Variants in ITM2B observed in about 807,000 individuals in gnomAD.
ITM2B encodes the protein integral membrane protein 2B.
In ITM2B, 11 loss-of-function variants were observed where a neutral mutation model predicts 27.8. The observed-to-expected ratio is 0.40, with a 90% CI of 0.25 to 0.66. The LOEUF (loss-of-function observed/expected upper bound fraction) is 0.66, where lower values mean the gene tolerates loss of function less well. Ranked by LOEUF, ITM2B falls within the 30% of genes least tolerant of loss-of-function variation. The pLI is 0.43. For synonymous variants in ITM2B, 114 were observed against 114.3 expected, an observed-to-expected ratio of 1.00 and a Z score of 0.02; for missense variants, 296 against 328.9, an observed-to-expected ratio of 0.90 and a Z score of 0.77.
intron 1 of ITM2B, among the ~76,000 whole-genome samples, chr13:48,240,396 G>A (rs770749078): frequency 2.6e-5 from 4 of 151,988 alleles, no homozygotes; most frequent in Non-Finnish European, 5.9e-5. Flanking sequence ...TAATAGAGAC[G>A]GGGTTTCACC....
intron 1 of ITM2B, among the ~76,000 whole-genome samples, chr13:48,240,459 T>G (rs1951693576): frequency 6.6e-6 from 1 of 152,148 alleles, no homozygotes; most frequent in Admixed American, 6.5e-5. Context: ...CTACTATTAT[T>G]AAAGTCCCAG....
intron 1 of ITM2B, among the ~76,000 whole-genome samples, chr13:48,236,710 A>T (rs1951671077): frequency 6.6e-6 from 1 of 152,172 alleles, no homozygotes; most frequent in Non-Finnish European, 1.5e-5. Flanking sequence ...GCACATTGTC[A>T]CTTCTGTTTA....
rs1368450029 is a variant in ITM2B, at chr13:48,264,677, T to C, written c.*3453T>C. On this transcript the variant is annotated 3_prime_UTR_variant, in exon 6 of 6. Coordinates refer to ENST00000647800, the MANE Select transcript of ITM2B (RefSeq NM_021999.5). ...GGTTCCTAGATAAGGACTTCATGTGTATCTATTTAGAAAAAGAACATTTCT... is the reference window on the plus strand; with the variant it reads ...GGTTCCTAGATAAGGACTTCATGTGCATCTATTTAGAAAAAGAACATTTCT... The C allele has an allele frequency of 2.0e-5, 3 of 152,176 alleles. No individual in the cohort carries two copies. Among genetic ancestry groups the C allele is most frequent in the African/African-American group, 7.2e-5 (3 of 41,446 alleles). 9.4% of individuals were successfully genotyped at this position (152,176 alleles called of 1,614,324 possible).
chr13:48,253,670 A>G, intron 1 of ITM2B, 138 bp from the exon 2 acceptor site: 1 of 870,412 alleles, frequency 1.1e-6, no homozygotes, highest in Non-Finnish European at 1.9e-6. Context: ...TCCTGGGTTG[A>G]TTTTGATGAG....
chr13:48,255,240 T>C (rs907241013), intron 2 of ITM2B, among the ~76,000 whole-genome samples: 1 of 150,528 alleles, frequency 6.6e-6, no homozygotes, highest in Non-Finnish European at 1.5e-5. Context: ...AGTGTGTGTG[T>C]GTGTGTGTGT....
intron 1 of ITM2B, among the ~76,000 whole-genome samples, chr13:48,251,533 C>A (rs925159138): frequency 2.0e-5 from 3 of 152,158 alleles, no homozygotes; most frequent in African/African-American, 7.2e-5. Context: ...AATTTATTCT[C>A]AAAATGATTG....
In ITM2B at chr13:48,263,629, T is replaced by G. The variant is rs1170506727; in HGVS notation, c.*2405T>G. On this transcript the variant is annotated 3_prime_UTR_variant, in exon 6 of 6. Coordinates refer to ENST00000647800, the MANE Select transcript of ITM2B (RefSeq NM_021999.5). ...ACAAAATACCATAGACTGAGTGGCT[T>G]TAAACAACAGAAGCTTGTTTCTCAC... 2.0e-5 allele frequency: 3 copies of G among 152,176 alleles called. No individual in the cohort carries two copies. The highest frequency in any genetic ancestry group is 7.2e-5 in the African/African-American group (3 of 41,434). The allele number at this position is 152,176 out of a possible 1,614,324, so 9.4% of individuals were successfully genotyped here. A position where few individuals can be genotyped will look rare whatever the true frequency, so the allele number is the denominator to read the frequency against.
Position 48,264,674 on chromosome 13 carries a change from G to A in ITM2B, c.*3450G>A, listed in dbSNP as rs1442708460. The A allele has an allele frequency of 1.3e-5, 2 of 152,116 alleles. No homozygotes were observed. Among genetic ancestry groups the A allele is most frequent in the African/African-American group, 4.8e-5 (2 of 41,432 alleles). The allele number at this position is 152,116 out of a possible 1,614,324, so 9.4% of individuals were successfully genotyped here. ...TTAGGTTCCTAGATAAGGACTTCAT[G>A]TGTATCTATTTAGAAAAAGAACATT... On this transcript the variant is annotated 3_prime_UTR_variant, in exon 6 of 6. Coordinates refer to ENST00000647800, the MANE Select transcript of ITM2B (RefSeq NM_021999.5).
chr13:48,253,308 C>G (rs141169569), intron 1 of ITM2B, among the ~76,000 whole-genome samples: 38 of 151,876 alleles, frequency 2.5e-4, no homozygotes, highest in Non-Finnish European at 1.5e-5. Context: ...GTAATTTTTT[C>G]TTGTGGATGG....
intron 2 of ITM2B, among the ~76,000 whole-genome samples, chr13:48,254,713 T>C (rs147314546): frequency 6.6e-5 from 10 of 152,304 alleles, no homozygotes; most frequent in Admixed American, 4.6e-4. Flanking sequence ...ATTCTCAATT[T>C]CATGCTCATT....
intron 1 of ITM2B, among the ~76,000 whole-genome samples, chr13:48,235,937 C>G (rs1951665789): frequency 6.6e-6 from 1 of 152,218 alleles, no homozygotes; most frequent in Non-Finnish European, 1.5e-5. Flanking sequence ...CACAAGAATT[C>G]TGATCACTCT....
chr13:48,246,829 T>A (rs1951726877), intron 1 of ITM2B, among the ~76,000 whole-genome samples: 1 of 151,900 alleles, frequency 6.6e-6, no homozygotes, highest in Non-Finnish European at 1.5e-5. Context: ...GAAATTTAGT[T>A]TTTGGTTTTG....
chr13:48,248,402 C>G (rs1408987506), intron 1 of ITM2B, among the ~76,000 whole-genome samples: 1 of 151,898 alleles, frequency 6.6e-6, no homozygotes, highest in Non-Finnish European at 1.5e-5. Context: ...TCCCAAAGTG[C>G]TGAGAGTATA....
chr13:48,237,761 T>C (rs1951676987), intron 1 of ITM2B, among the ~76,000 whole-genome samples: 1 of 152,192 alleles, frequency 6.6e-6, no homozygotes, highest in South Asian at 2.1e-4. Flanking sequence ...AGTTTTATCA[T>C]ACCATAACTT....
chr13:48,239,965 T>C (rs542700405), intron 1 of ITM2B, among the ~76,000 whole-genome samples: 1 of 152,240 alleles, frequency 6.6e-6, no homozygotes, highest in Non-Finnish European at 1.5e-5. Context: ...CACTGAATTG[T>C]TGGGGAGGGG....
rs1045336180 is a variant in ITM2B, at chr13:48,260,392, T to G, written c.716-747T>G. Among the ~76,000 whole-genome samples, 3 of 152,264 alleles carry G rather than the reference T, an allele frequency of 2.0e-5. No individual in the cohort carries two copies. In the East Asian group the frequency reaches 5.8e-4, roughly 29 times the overall value. ...TGGGATTGCTGGGTCAAATGGTATT[T>G]CTGGTTCTAGATCCTTGAGGAATTG... On this transcript the variant is annotated intron_variant, in intron 5 of 5. Coordinates refer to ENST00000647800, the MANE Select transcript of ITM2B (RefSeq NM_021999.5).
At chr13:48,245,999 C>T (rs1276344159) in intron 1 of ITM2B, among the ~76,000 whole-genome samples, 1 of 152,106 alleles carries the variant, frequency 6.6e-6, no homozygotes, top group Non-Finnish European at 1.5e-5. Flanking sequence ...AGGATGGTCT[C>T]AATCTCCTGA....
At chr13:48,250,617 C>CA (rs759162948) in intron 1 of ITM2B, among the ~76,000 whole-genome samples, 2,065 of 120,306 alleles carry the variant, frequency 0.017, 16 homozygotes, top group African/African-American at 0.034. Flanking sequence ...GACTCCATCT[C>CA]AAAAAAAAAA....
At chr13:48,256,509 G>T in intron 3 of ITM2B, 126 bp downstream of exon 3, 1 of 776,976 alleles carries the variant, frequency 1.3e-6, no homozygotes, top group South Asian at 1.6e-5. Context: ...GTCAGCATTT[G>T]GTGGGCTCTG....
Sources: allele counts gnomAD v4.1 joint callset (sites outside exome capture counted in the v4.1 genomes callset), GRCh38; gene constraint gnomAD v4.1.1; transcripts MANE v1.5; gene names NCBI Gene and HGNC (gene_info 2026-07-23, HGNC 2026-07-21).